The following SPECC1 variants were observed in gnomAD, a reference collection of about 807,000 sequenced individuals.
SPECC1 encodes sperm antigen with calponin homology and coiled-coil domains 1.
In SPECC1, 62 loss-of-function variants were observed where a neutral mutation model predicts 104.1. The ratio of observed to expected loss-of-function variants is 0.60; its 90% CI spans 0.49 to 0.74. The LOEUF is 0.74. Ranked by LOEUF, SPECC1 falls within the 30% of genes least tolerant of loss-of-function variation. The probability of loss-of-function intolerance (pLI) is 0.00; values close to 1 mark genes in which losing one functional copy is unlikely to be tolerated. For missense variants in SPECC1, 1,306 were observed against 1,310.5 expected (o/e 1.00, Z 0.05); for synonymous variants, 513 against 501.6 (o/e 1.02, Z -0.30).
intron 4 of SPECC1, among the ~76,000 whole-genome samples, chr17:20,223,595 C>G (rs1472914189): frequency 6.6e-6 from 1 of 151,896 alleles, no homozygotes; most frequent in Non-Finnish European, 1.5e-5. Flanking sequence ...ATCGCTTGAA[C>G]CTGGGAGGCA....
intron 1 of SPECC1, among the ~76,000 whole-genome samples, chr17:20,085,995 C>A (rs1429332151): frequency 6.6e-6 from 1 of 152,218 alleles, no homozygotes. Context: ...CTGATGTCCC[C>A]AAGGAGTGAA....
At chr17:20,098,574 G>T (rs973474725) in intron 2 of SPECC1, among the ~76,000 whole-genome samples, 1 of 152,146 alleles carries the variant, frequency 6.6e-6, no homozygotes, top group African/African-American at 2.4e-5. Context: ...GTGTGGTCTC[G>T]CTCCTCTGTG....
At chr17:20,280,667 A>ATTT (rs2040737154) in intron 12 of SPECC1, among the ~76,000 whole-genome samples, 1 of 152,240 alleles carries the variant, frequency 6.6e-6, no homozygotes, top group Admixed American at 6.5e-5. Flanking sequence ...AGCACTTAAA[A>ATTT]GATTCCTAAT....
At chr17:20,149,750 G>T (rs1048685339) in intron 3 of SPECC1, among the ~76,000 whole-genome samples, 6 of 152,126 alleles carry the variant, frequency 3.9e-5, no homozygotes, top group Non-Finnish European at 8.8e-5. Flanking sequence ...GGGGACACAG[G>T]TTTAAATCCT....
chr17:20,155,967 G>T, intron 3 of SPECC1: 1 of 1,261,784 alleles, frequency 7.9e-7, no homozygotes, highest in Non-Finnish European at 1.0e-6. Flanking sequence ...AGATGAAGGG[G>T]GCGGGCCGCG....
rs1001415833 is a variant in SPECC1, at chr17:20,316,693, T to C, written c.*2628T>C. On this transcript the variant is annotated 3_prime_UTR_variant, in exon 15 of 15. Transcript: ENST00000395527. ...CTGTTTTTTTGTGTTTTTTTTGTTGTTGTTTGTTTGTTTTTTTTTTTGAGA... is the reference window on the plus strand; with the variant it reads ...CTGTTTTTTTGTGTTTTTTTTGTTGCTGTTTGTTTGTTTTTTTTTTTGAGA... 9.5e-6 allele frequency: 1 copy of C among 105,646 alleles called. No individual in the cohort carries two copies. The highest frequency in any genetic ancestry group is 1.6e-5 in the Non-Finnish European group (1 of 61,310). The allele number at this position is 105,646 out of a possible 1,614,324, so 6.5% of individuals were successfully genotyped here. A position where few individuals can be genotyped will look rare whatever the true frequency, so the allele number is the denominator to read the frequency against.
intron 12 of SPECC1, among the ~76,000 whole-genome samples, chr17:20,283,141 A>G (rs1002765676): frequency 3.3e-5 from 5 of 152,206 alleles, no homozygotes; most frequent in Non-Finnish European, 7.4e-5. Flanking sequence ...CCCTGATCAC[A>G]CTATTGCACT....
At chr17:20,211,787 C>A (rs753362495) in intron 4 of SPECC1, among the ~76,000 whole-genome samples, 2 of 152,242 alleles carry the variant, frequency 1.3e-5, no homozygotes, top group Admixed American at 1.3e-4. Context: ...CTTGCTCTTA[C>A]CTGTGACTCC....
At chr17:20,305,411 G>A (rs2041730774) in intron 13 of SPECC1, among the ~76,000 whole-genome samples, 1 of 152,134 alleles carries the variant, frequency 6.6e-6, no homozygotes, top group Non-Finnish European at 1.5e-5. Flanking sequence ...ATTAATACGG[G>A]CACTAAAATT....
intron 7 of SPECC1, chr17:20,236,753 T>G: frequency 6.7e-7 from 1 of 1,481,932 alleles, no homozygotes; most frequent in Non-Finnish European, 9.4e-7. Context: ...ACATTAGCTT[T>G]TCCCTGTGGG....
chr17:20,203,590 G>A (rs2036574664), intron 3 of SPECC1, among the ~76,000 whole-genome samples: 1 of 152,164 alleles, frequency 6.6e-6, no homozygotes. Context: ...ATATGTCATT[G>A]TATCAGATCC....
chr17:20,096,313 G>A (rs1392667269), intron 1 of SPECC1, among the ~76,000 whole-genome samples: 1 of 152,104 alleles, frequency 6.6e-6, no homozygotes, highest in African/African-American at 2.4e-5. Context: ...GTTTTATCTG[G>A]GTGTGAGATA....
intron 7 of SPECC1, chr17:20,237,261 C>G: frequency 5.3e-6 from 6 of 1,132,468 alleles, no homozygotes; most frequent in Non-Finnish European, 6.5e-6. Context: ...CTGGGTACAG[C>G]GCAGGCCCGA....
chr17:20,286,748 C>T (rs147728033), intron 12 of SPECC1, among the ~76,000 whole-genome samples: 205 of 152,322 alleles, frequency 1.3e-3, no homozygotes, highest in African/African-American at 4.4e-3. Context: ...TGCAGTGGGA[C>T]TGGATCTTAA....
At chr17:20,159,805 A>G (rs1029217670) in intron 3 of SPECC1, among the ~76,000 whole-genome samples, 1 of 152,210 alleles carries the variant, frequency 6.6e-6, no homozygotes, top group African/African-American at 2.4e-5. Flanking sequence ...CCTAGTTAAC[A>G]GTCCTTCAGT....
intron 3 of SPECC1, among the ~76,000 whole-genome samples, chr17:20,160,647 AT>A (rs1448664090): frequency 3.9e-5 from 6 of 152,080 alleles, no homozygotes; most frequent in Non-Finnish European, 8.8e-5. Flanking sequence ...ATTTTGCTGT[AT>A]TTGCTTTATT....
chr17:20,181,566 T>G (rs2034889677), intron 3 of SPECC1, among the ~76,000 whole-genome samples: 1 of 152,152 alleles, frequency 6.6e-6, no homozygotes. Flanking sequence ...ACCTGAAGTA[T>G]TATTGCTAGT....
Position 20,156,278 on chromosome 17 carries a change from AC to A in SPECC1, c.283+45723del, listed in dbSNP as rs3833861. On this transcript the variant is annotated intron_variant, in intron 3 of 14. Coordinates refer to ENST00000395527, the MANE Select transcript of SPECC1 (RefSeq NM_001243439.2). The stretch of plus-strand genomic sequence containing the variant: ...GGGGTCGCGCCGCAGCCGCAACCCC[AC>A]CCCCCCTCCAGGCGCCCTTCCCCCA... 5.3e-6 allele frequency: 7 copies of A among 1,314,488 alleles called. No homozygotes were observed. In the South Asian group the frequency reaches 8.1e-5, roughly 15 times the overall value. 81.4% of individuals were successfully genotyped at this position (1,314,488 alleles called of 1,614,324 possible). A position where few individuals can be genotyped will look rare whatever the true frequency, so the allele number is the denominator to read the frequency against.
At chr17:20,175,149 A>G (rs1042944579) in intron 3 of SPECC1, among the ~76,000 whole-genome samples, 1 of 152,136 alleles carries the variant, frequency 6.6e-6, no homozygotes, top group African/African-American at 2.4e-5. Context: ...CTGTGGGCCC[A>G]GGACCTTCAG....
Sources: allele counts gnomAD v4.1 joint callset (sites outside exome capture counted in the v4.1 genomes callset), GRCh38; gene constraint gnomAD v4.1.1; transcripts MANE v1.5; gene names NCBI Gene and HGNC (gene_info 2026-07-23, HGNC 2026-07-21).